SAMD5: variants seen among roughly 807,000 people sequenced by gnomAD.
The protein encoded by SAMD5 is sterile alpha motif domain containing 5, also known as sterile alpha motif domain-containing protein 5.
Under a neutral mutation model 11.3 loss-of-function variants are expected in SAMD5, and 13 were observed. The observed-to-expected ratio is 1.15, with a 90% CI of 0.75 to 1.83. The LOEUF (loss-of-function observed/expected upper bound fraction) is 1.83. Among genes scored for constraint, SAMD5 ranks in the 40% most tolerant of loss-of-function variants. The pLI is 0.00. For synonymous variants in SAMD5, 129 were observed against 111.3 expected (o/e 1.16, Z -1.00); for missense variants, 255 against 239.1 (o/e 1.07, Z -0.44).
At chr6:147,813,279 G>C in the SAMD5 span, among the ~76,000 whole-genome samples, 55 of 152,220 alleles carry the variant, frequency 3.6e-4, no homozygotes, top group South Asian at 8.7e-3. Flanking sequence ...TTACTTATCA[G>C]ATTCAGTCTT....
At chr6:147,757,376 T>A in the SAMD5 span, among the ~76,000 whole-genome samples, 2 of 152,200 alleles carry the variant, frequency 1.3e-5, no homozygotes, top group African/African-American at 4.8e-5. Flanking sequence ...GATTCCTTGA[T>A]CTAAGAATGG....
At chr6:147,809,613 G>A in the SAMD5 span, among the ~76,000 whole-genome samples, 1 of 152,254 alleles carries the variant, frequency 6.6e-6, no homozygotes, top group African/African-American at 2.4e-5. Flanking sequence ...AAAATTAAAT[G>A]TGGGGCGGTG....
the SAMD5 span, among the ~76,000 whole-genome samples, chr6:147,786,961 A>G: frequency 6.6e-6 from 1 of 152,248 alleles, no homozygotes; most frequent in Non-Finnish European, 1.5e-5. Flanking sequence ...CCTTGGTTAA[A>G]TACTTTGCAT....
chr6:147,623,049 G>A (rs1789995681), intron 1 of SAMD5, among the ~76,000 whole-genome samples: 1 of 152,206 alleles, frequency 6.6e-6, no homozygotes, highest in South Asian at 2.1e-4. Flanking sequence ...AATTATGGAA[G>A]CTACAATTCA....
At position 147,612,478 on chromosome 6, in the gene SAMD5, C is replaced by G. The variant is rs569657565; in HGVS notation, c.162+103091C>G. Among the ~76,000 whole-genome samples, 62 of 152,272 alleles carry G rather than the reference C, an allele frequency of 4.1e-4. No homozygotes were observed. The South Asian group carries it at 0.013, about 31-fold the overall frequency. On this transcript the variant is annotated intron_variant, in intron 1 of 1. Coordinates refer to the SAMD5 transcript ENST00000566741. Reference sequence around the variant, plus strand: ...AATTCCATTACTGCTTCTGAAGGATCAAGTCTACACTTCATTACTTGGCAC... The same window carrying G: ...AATTCCATTACTGCTTCTGAAGGATGAAGTCTACACTTCATTACTTGGCAC...
At chr6:147,850,624 G>C in the SAMD5 span, among the ~76,000 whole-genome samples, 3 of 152,016 alleles carry the variant, frequency 2.0e-5, no homozygotes, top group African/African-American at 7.2e-5. Context: ...CCTTGGTTTT[G>C]CTTTCCTAGG....
At chr6:147,721,979 A>G (rs1445803867) in intron 1 of SAMD5, among the ~76,000 whole-genome samples, 1 of 152,268 alleles carries the variant, frequency 6.6e-6, no homozygotes, top group East Asian at 1.9e-4. Context: ...CAAGTCATAT[A>G]GTTCTCTTCA....
chr6:147,910,688 GCT>G, the SAMD5 span, among the ~76,000 whole-genome samples: 1 of 152,176 alleles, frequency 6.6e-6, no homozygotes, highest in Non-Finnish European at 1.5e-5. Context: ...ATACGGTGGA[GCT>G]CTGTCATGCC....
At chr6:147,905,547 C>CAA in the SAMD5 span, among the ~76,000 whole-genome samples, 33 of 152,098 alleles carry the variant, frequency 2.2e-4, no homozygotes, top group East Asian at 6.4e-3. Flanking sequence ...AACAAAAAAA[C>CAA]AAAATCACCT....
the SAMD5 span, among the ~76,000 whole-genome samples, chr6:147,790,183 T>C: frequency 6.6e-6 from 1 of 152,204 alleles, no homozygotes; most frequent in African/African-American, 2.4e-5. Flanking sequence ...CTTCAGTAGA[T>C]GAATGTGTAA....
downstream of SAMD5, among the ~76,000 whole-genome samples, chr6:147,574,505 C>T (rs1267550221): frequency 6.6e-6 from 1 of 152,128 alleles, no homozygotes; most frequent in Non-Finnish European, 1.5e-5. Flanking sequence ...ACAAAGTTCT[C>T]AAAAAAGAGG....
chr6:147,758,382 A>T, the SAMD5 span, among the ~76,000 whole-genome samples: 4 of 152,228 alleles, frequency 2.6e-5, no homozygotes, highest in Non-Finnish European at 5.9e-5. Flanking sequence ...AAAAGATTGC[A>T]TGTGGTCATA....
the SAMD5 span, among the ~76,000 whole-genome samples, chr6:147,857,255 C>G: frequency 6.6e-6 from 1 of 151,514 alleles, no homozygotes; most frequent in East Asian, 1.9e-4. Flanking sequence ...GTAATCCCAG[C>G]ACTTTGGGAG....
intron 1 of SAMD5, among the ~76,000 whole-genome samples, chr6:147,664,365 A>C (rs1228557412): frequency 6.6e-6 from 1 of 152,124 alleles, no homozygotes; most frequent in African/African-American, 2.4e-5. Flanking sequence ...AGCAGAGATA[A>C]ATATACTATA....
chr6:147,863,841 T>A, the SAMD5 span, among the ~76,000 whole-genome samples: 1 of 140,884 alleles, frequency 7.1e-6, no homozygotes, highest in Non-Finnish European at 1.5e-5. Flanking sequence ...CTTTCCACTT[T>A]TTTTTTTTTT....
chr6:147,575,297 C>T (rs1468837177), intron 1 of SAMD5, among the ~76,000 whole-genome samples: 1 of 152,222 alleles, frequency 6.6e-6, no homozygotes, highest in Non-Finnish European at 1.5e-5. Flanking sequence ...TCATCCAAAC[C>T]TTTCTATGCA....
At chr6:147,916,575 C>G in the SAMD5 span, among the ~76,000 whole-genome samples, 4 of 151,698 alleles carry the variant, frequency 2.6e-5, no homozygotes, top group Non-Finnish European at 4.4e-5. Flanking sequence ...TATTATTATA[C>G]TTTAAGTTTT....
At chr6:147,532,912 C>T (rs1788451677) in intron 1 of SAMD5, among the ~76,000 whole-genome samples, 1 of 152,168 alleles carries the variant, frequency 6.6e-6, no homozygotes, top group African/African-American at 2.4e-5. Flanking sequence ...CCTGCACTAC[C>T]GAGAGGGCAT....
At chr6:147,795,810 T>C in the SAMD5 span, among the ~76,000 whole-genome samples, 1 of 151,506 alleles carries the variant, frequency 6.6e-6, no homozygotes, top group Non-Finnish European at 1.5e-5. Flanking sequence ...ATTTCTCTGA[T>C]GGCCAGTGAT....
Sources: gnomAD v4.1 joint callset for allele counts (sites outside exome capture counted in the v4.1 genomes callset) on GRCh38, gnomAD v4.1.1 for gene constraint, MANE v1.5 for transcripts, NCBI Gene and HGNC (gene_info 2026-07-23, HGNC 2026-07-21) for gene names.